Variants in COL17A1 observed in about 807,000 individuals in gnomAD.
The protein encoded by COL17A1 is collagen type XVII alpha 1 chain.
COL17A1 carries 181 observed loss-of-function variants against 218.4 expected under a neutral mutation model. That is an observed-to-expected ratio of 0.83 (90% CI 0.73 to 0.94). COL17A1 has a LOEUF of 0.94. COL17A1 is among the 40% of genes least tolerant of loss of function. The probability of loss-of-function intolerance (pLI) is 0.00; values close to 1 mark genes in which losing one functional copy is unlikely to be tolerated. For synonymous variants in COL17A1, 721 were observed against 731.0 expected, an observed-to-expected ratio of 0.99 and a Z score of 0.22; for missense variants, 1,924 against 1,945.9, an observed-to-expected ratio of 0.99 and a Z score of 0.21.
In COL17A1 at chr10:104,037,679, G is replaced by A. The variant is rs1201562502; in HGVS notation, c.3165C>T (p.Phe1055=). ...GPVTTITGET[F]DYSELASHVV... ...CGTGGCTTGCCAGCTCTGAGTAGTC[G>A]AAAGTCTCGCCTGTGATGGTGGTGA... is the stretch of plus-strand genomic sequence containing the variant. Residue 1055 remains phenylalanine (F), a synonymous_variant, in exon 46 of 56, where the codon TTC becomes TTT. Coordinates refer to ENST00000648076, the MANE Select transcript of COL17A1 (RefSeq NM_000494.4). The A allele has an allele frequency of 7.4e-6, 12 of 1,614,084 alleles. No homozygotes were observed. Among genetic ancestry groups the A allele is most frequent in the East Asian group, 4.5e-5 (2 of 44,888 alleles).
chr10:104,072,688 G>T (rs1297458402), intron 7 of COL17A1, among the ~76,000 whole-genome samples: 1 of 152,128 alleles, frequency 6.6e-6, no homozygotes, highest in Non-Finnish European at 1.5e-5. Flanking sequence ...CTAACATGCT[G>T]CCCCCTACCC....
intron 31 of COL17A1, 90 bp downstream of exon 31, chr10:104,047,649 A>C (rs2086425638): frequency 9.4e-7 from 1 of 1,068,538 alleles, no homozygotes; most frequent in South Asian, 1.3e-5. Flanking sequence ...GCACACCTGC[A>C]CATGCACACG....
chr10:104,043,738 A>C lies in COL17A1; in HGVS notation c.2434+87T>G. ...CTACTGATCCAAAAAACTCCCAGCCACATCCTGCCCAGAACGCTGCAGAGT... is the reference window on the plus strand; with the variant it reads ...CTACTGATCCAAAAAACTCCCAGCCCCATCCTGCCCAGAACGCTGCAGAGT... On this transcript the variant is annotated intron_variant, in intron 34 of 55. Transcript: ENST00000648076. 8.3e-6 allele frequency: 13 copies of C among 1,569,262 alleles called. 1 individual carries two copies. The highest frequency in any genetic ancestry group is 1.1e-5 in the Non-Finnish European group (12 of 1,139,360).
chr10:104,076,216 G>T, intron 5 of COL17A1, 85 bp downstream of exon 5: 5 of 1,603,878 alleles, frequency 3.1e-6, no homozygotes, highest in Non-Finnish European at 4.3e-6. Flanking sequence ...GCAGACACAG[G>T]TGGCCAGCAT....
intron 15 of COL17A1, 47 bp downstream of exon 15, chr10:104,059,591 G>A (rs755737231): frequency 6.5e-7 from 1 of 1,549,416 alleles, no homozygotes; most frequent in Non-Finnish European, 8.9e-7. Flanking sequence ...GAAATGAAAT[G>A]TGGCCTGGCT....
chr10:104,050,584 G>A (rs762586530), intron 27 of COL17A1, 37 bp downstream of exon 27: 15 of 1,612,380 alleles, frequency 9.3e-6, no homozygotes, highest in Non-Finnish European at 1.3e-5. Flanking sequence ...GAGTGAGGCA[G>A]GCCCTGGTAA....
intron 5 of COL17A1, among the ~76,000 whole-genome samples, chr10:104,075,278 C>T (rs2086700051): frequency 6.6e-6 from 1 of 152,172 alleles, no homozygotes; most frequent in Non-Finnish European, 1.5e-5. Flanking sequence ...TGCCTGCTTG[C>T]TACCCTCGCC....
In COL17A1 at chr10:104,037,039, A is replaced by G. The variant is rs1315494204; in HGVS notation, c.3277+6T>C. 1 of 1,602,534 alleles carries G rather than the reference A, an allele frequency of 6.2e-7. No homozygotes were observed. The highest frequency in any genetic ancestry group is 8.5e-7 in the Non-Finnish European group (1 of 1,175,364). ...CCCACCCTCGATCCCCCCACAGGTG[A>G]CTCACGCTGCAGCACAGCCAGAATG... is the stretch of plus-strand genomic sequence containing the variant. On this transcript the variant is annotated splice_donor_region_variant and intron_variant, in intron 47 of 55. Coordinates refer to ENST00000648076, the MANE Select transcript of COL17A1 (RefSeq NM_000494.4).
chr10:104,084,313 T>A (rs1033454517), intron 1 of COL17A1, among the ~76,000 whole-genome samples: 1 of 137,918 alleles, frequency 7.3e-6, no homozygotes, highest in African/African-American at 2.8e-5. Flanking sequence ...TTTTTTCCTA[T>A]TTTTTTTTTT....
chr10:104,060,928 C>T (rs2086576772), intron 13 of COL17A1, among the ~76,000 whole-genome samples: 1 of 152,148 alleles, frequency 6.6e-6, no homozygotes, highest in South Asian at 2.1e-4. Context: ...TAAAGGCTTT[C>T]CAATAAATGA....
chr10:104,065,476 T>C (rs1343106867), intron 9 of COL17A1, among the ~76,000 whole-genome samples: 3 of 152,230 alleles, frequency 2.0e-5, no homozygotes, highest in Non-Finnish European at 4.4e-5. Flanking sequence ...CTGGGACATG[T>C]TGGTTTTCTG....
At chr10:104,083,680 C>G (rs1481100212) in intron 1 of COL17A1, among the ~76,000 whole-genome samples, 1 of 152,180 alleles carries the variant, frequency 6.6e-6, no homozygotes, top group Non-Finnish European at 1.5e-5. Context: ...AAGGACAAAC[C>G]ACTGTTAGTG....
rs1467861811 is a variant in COL17A1 at position 104,057,131 on chromosome 10, C to T, written c.1309G>A (p.Gly437Arg). 1 of 1,603,102 alleles carries T rather than the reference C, an allele frequency of 6.2e-7. No individual in the cohort carries two copies. The highest frequency in any genetic ancestry group is 8.5e-7 in the Non-Finnish European group (1 of 1,179,702). The change falls in exon 17 of 56, where the codon GGA becomes AGA. Residue 437 changes from glycine to arginine, a missense_variant. Coordinates refer to ENST00000648076, the MANE Select transcript of COL17A1 (RefSeq NM_000494.4). ...CCAGCGCCACCAACACCGCCACCTC[C>T]TCCACTGCCACCACCACCACTGCTG... is the stretch of plus-strand genomic sequence containing the variant. ...YGSSGGGGSG[G>R]GGGVGGAGGG...
intron 15 of COL17A1, 98 bp downstream of exon 15, chr10:104,059,540 C>T: frequency 9.1e-7 from 1 of 1,101,036 alleles, no homozygotes; most frequent in South Asian, 1.3e-5. Context: ...TGCTGCTGGC[C>T]CGTGGACCAC....
At chr10:104,065,496 A>G (rs376511248) in intron 9 of COL17A1, among the ~76,000 whole-genome samples, 1 of 152,232 alleles carries the variant, frequency 6.6e-6, no homozygotes, top group Non-Finnish European at 1.5e-5. Context: ...GACTTCCTCC[A>G]GAGACCCACT....
At chr10:104,052,569 T>C (rs377706605) in intron 23 of COL17A1, among the ~76,000 whole-genome samples, 2 of 152,204 alleles carry the variant, frequency 1.3e-5, no homozygotes, top group African/African-American at 4.8e-5. Flanking sequence ...GTCTCATAGT[T>C]AAGGATGGAA....
Position 104,043,531 on chromosome 10 carries a change from T to C in COL17A1, c.2485A>G (p.Met829Val), listed in dbSNP as rs1303485755. 5.0e-6 allele frequency: 8 copies of C among 1,610,534 alleles called. No homozygotes were observed. The highest frequency in any genetic ancestry group is 1.3e-5 in the African/African-American group (1 of 74,786). ...VPGPPGPPGA[M>V]GPPGPPGAPG... ...GCACCTGGAGGTCCTGGGGGTCCCA[T>C]GGCTCCAGGAGGTCCTGGGGGGCCT... The change falls in exon 35 of 56, where the codon ATG becomes GTG. Residue 829 changes from methionine (M) to valine (V), a missense_variant. Physicochemically the swap from Met to Val is conservative, Grantham distance 21 (BLOSUM62 1). Transcript: ENST00000648076.
intron 18 of COL17A1, 130 bp downstream of exon 18, chr10:104,055,652 A>G: frequency 3.7e-6 from 5 of 1,335,116 alleles, no homozygotes; most frequent in South Asian, 3.7e-5. Flanking sequence ...CGCTATTGAG[A>G]GGATCAGGGG....
In COL17A1 at chr10:104,045,741, T is replaced by C. The variant is rs2086402468; in HGVS notation, c.2398+17A>G. ...GGCCAGTGAAAAGAAAGAAATCTCA[T>C]TTGGAAATTCACTTACCTTTTATTC... On this transcript the variant is annotated intron_variant, in intron 33 of 55. Coordinates refer to ENST00000648076, the MANE Select transcript of COL17A1 (RefSeq NM_000494.4). 3 of 1,604,220 alleles carry C rather than the reference T, an allele frequency of 1.9e-6. No individual in the cohort carries two copies. The highest frequency in any genetic ancestry group is 2.7e-5 in the African/African-American group (2 of 74,774).
Sources: gnomAD v4.1 joint callset for allele counts (sites outside exome capture counted in the v4.1 genomes callset) on GRCh38, gnomAD v4.1.1 for gene constraint, MANE v1.5 for transcripts, NCBI Gene and HGNC (gene_info 2026-07-23, HGNC 2026-07-21) for gene names.